The following CPPED1 variants were observed in gnomAD, a reference collection of about 807,000 sequenced individuals.
CPPED1 encodes the protein serine/threonine-protein phosphatase CPPED1.
A neutral mutation model predicts 28.0 loss-of-function variants in CPPED1; 28 were observed. That is an observed-to-expected ratio of 1.00 (90% CI 0.74 to 1.37). The LOEUF (loss-of-function observed/expected upper bound fraction) is 1.37. Among genes scored for constraint, CPPED1 ranks in the 40% most tolerant of loss-of-function variants. The pLI is 0.00. For synonymous variants in CPPED1, 198 were observed against 180.2 expected (o/e 1.10, Z -0.79); for missense variants, 504 against 416.5 (o/e 1.21, Z -1.83).
At chr16:12,713,175 TG>T (rs1196687038) in intron 2 of CPPED1, among the ~76,000 whole-genome samples, 2 of 152,118 alleles carry the variant, frequency 1.3e-5, no homozygotes, top group Admixed American at 6.6e-5. Context: ...GGACGAATTG[TG>T]TTCTTTCTGA....
intron 2 of CPPED1, 175 bp downstream of exon 2, chr16:12,781,010 T>G (rs925958241): frequency 1.6e-6 from 1 of 606,158 alleles, no homozygotes; most frequent in African/African-American, 1.9e-5. Flanking sequence ...AAACTCTAAA[T>G]ATAACATGAG....
chr16:12,785,792 C>T (rs1471009979), intron 1 of CPPED1, among the ~76,000 whole-genome samples: 1 of 152,082 alleles, frequency 6.6e-6, no homozygotes, highest in Non-Finnish European at 1.5e-5. Context: ...CCAGAGTTAC[C>T]CCCAGGGTAC....
Position 12,664,540 on chromosome 16 carries a change from T to A in CPPED1, c.*346A>T. 9.2e-7 allele frequency: 1 copy of A among 1,084,290 alleles called. No individual in the cohort carries two copies. Among genetic ancestry groups the A allele is most frequent in the Non-Finnish European group, 1.1e-6 (1 of 893,320 alleles). 67.2% of individuals were successfully genotyped at this position (1,084,290 alleles called of 1,614,324 possible). A position where few individuals can be genotyped will look rare whatever the true frequency, so the allele number is the denominator to read the frequency against. Reference sequence around the variant, plus strand: ...CTTGGCTGTCAGATTGGAATTGAGGTCGATAGGCAGACTTTGACCATATGC... The same window carrying A: ...CTTGGCTGTCAGATTGGAATTGAGGACGATAGGCAGACTTTGACCATATGC... On this transcript the variant is annotated 3_prime_UTR_variant, in exon 4 of 4. Coordinates refer to ENST00000381774, the MANE Select transcript of CPPED1 (RefSeq NM_018340.3). The surrounding 1 kb of genome is among the most constrained non-coding windows in gnomAD (Gnocchi z 4.2).
rs572532888 is a variant in CPPED1, at chr16:12,737,144, T to C, written c.290-32095A>G. ...GGTGGAGGTTGCAGTGAGCTGAGATTGTGCCATTGCACTCCAGTCTGGGCG... is the reference window on the plus strand; with the variant it reads ...GGTGGAGGTTGCAGTGAGCTGAGATCGTGCCATTGCACTCCAGTCTGGGCG... On this transcript the variant is annotated intron_variant, in intron 2 of 3. Transcript: ENST00000381774. Among the ~76,000 whole-genome samples, 3 of 152,166 alleles carry C rather than the reference T, an allele frequency of 2.0e-5. No homozygotes were observed. In the East Asian group the frequency reaches 5.8e-4, roughly 29 times the overall value.
chr16:12,665,819 G>C (rs776848674), intron 3 of CPPED1, among the ~76,000 whole-genome samples: 7 of 152,222 alleles, frequency 4.6e-5, no homozygotes, highest in Non-Finnish European at 8.8e-5. Context: ...CAGCTACCTG[G>C]GAGGCTGAGA....
intron 2 of CPPED1, among the ~76,000 whole-genome samples, chr16:12,755,108 T>C (rs973208495): frequency 6.6e-6 from 1 of 152,084 alleles, no homozygotes; most frequent in Non-Finnish European, 1.5e-5. Flanking sequence ...AAGACTAAGG[T>C]GAACAGTTTC....
Position 12,696,806 on chromosome 16 carries a change from G to A in CPPED1, c.715+7818C>T, listed in dbSNP as rs189582408. On this transcript the variant is annotated intron_variant, in intron 3 of 3. Transcript: ENST00000381774. ...GGGATACACCAACTTGACAAGGTTG[G>A]GGTGAGTACCCTCTTTTTACAAGTG... 6.6e-3 allele frequency among the ~76,000 whole-genome samples: 1,004 copies of A among 152,058 alleles called. 7 individuals carry two copies. Among genetic ancestry groups the A allele is most frequent in the Non-Finnish European group, 0.01 (691 of 67,988 alleles).
chr16:12,795,671 G>A (rs1187278547), intron 1 of CPPED1, among the ~76,000 whole-genome samples: 1 of 152,214 alleles, frequency 6.6e-6, no homozygotes, highest in Non-Finnish European at 1.5e-5. Context: ...CAACACCTTG[G>A]TCTCAGCTTT....
intron 1 of CPPED1, among the ~76,000 whole-genome samples, chr16:12,791,500 G>C (rs1322133937): frequency 6.6e-6 from 1 of 152,128 alleles, no homozygotes; most frequent in African/African-American, 2.4e-5. Flanking sequence ...CAGATCTTAA[G>C]ATCATGTGTC....
At chr16:12,665,710 AC>A (rs1311808582) in intron 3 of CPPED1, among the ~76,000 whole-genome samples, 1 of 152,174 alleles carries the variant, frequency 6.6e-6, no homozygotes, top group African/African-American at 2.4e-5. Flanking sequence ...TGGGTGGATC[AC>A]AAGGTCAGGA....
intron 1 of CPPED1, among the ~76,000 whole-genome samples, chr16:12,802,376 C>G (rs2080665411): frequency 1.3e-5 from 2 of 152,000 alleles, no homozygotes; most frequent in Admixed American, 6.6e-5. Flanking sequence ...CTGAGGACGG[C>G]GGATCACCTG....
At chr16:12,792,272 T>G (rs1159176361) in intron 1 of CPPED1, among the ~76,000 whole-genome samples, 1 of 152,172 alleles carries the variant, frequency 6.6e-6, no homozygotes, top group African/African-American at 2.4e-5. Context: ...TGTATCTCAC[T>G]GGTCCTGATG....
intron 1 of CPPED1, among the ~76,000 whole-genome samples, chr16:12,788,463 A>T (rs11860409): frequency 0.023 from 3,437 of 152,276 alleles, 88 homozygotes; most frequent in African/African-American, 0.064. Flanking sequence ...CTTAACTCAC[A>T]GAAGCCCGCC....
At position 12,682,075 on chromosome 16, in the gene CPPED1, C is replaced by T. The variant is rs866968309; in HGVS notation, c.716-16960G>A. ...TTGAGACAGTGTCTCTCTCGGTCGC[C>T]TATGTTGGAGTGCAGTGGCGCGATC... On this transcript the variant is annotated intron_variant, in intron 3 of 3. Transcript: ENST00000381774. The surrounding 1 kb of genome is among the most constrained non-coding windows in gnomAD (Gnocchi z 6.1). Among the ~76,000 whole-genome samples the T allele has an allele frequency of 5.3e-5, 8 of 152,210 alleles. No individual in the cohort carries two copies. Among genetic ancestry groups the T allele is most frequent in the Non-Finnish European group, 1.2e-4 (8 of 68,010 alleles).
intron 2 of CPPED1, among the ~76,000 whole-genome samples, chr16:12,711,881 G>A (rs550965031): frequency 1.3e-5 from 2 of 152,140 alleles, no homozygotes; most frequent in Non-Finnish European, 2.9e-5. Context: ...TATGTAGTAT[G>A]TGCATACCTT....
intron 2 of CPPED1, among the ~76,000 whole-genome samples, chr16:12,764,196 GATTTTA>G (rs1486076531): frequency 8.7e-6 from 1 of 115,400 alleles, no homozygotes; most frequent in African/African-American, 3.6e-5. Context: ...GGTACTGTTT[GATTTTA>G]ATTTTTTTTT....
chr16:12,790,480 T>TGG (rs1567307483), intron 1 of CPPED1, among the ~76,000 whole-genome samples: 1 of 152,228 alleles, frequency 6.6e-6, no homozygotes, highest in Non-Finnish European at 1.5e-5. Context: ...GGAAAAGGCC[T>TGG]GGGGGCCAGC....
intron 2 of CPPED1, among the ~76,000 whole-genome samples, chr16:12,713,545 T>C (rs969365199): frequency 6.6e-6 from 1 of 152,078 alleles, no homozygotes; most frequent in Admixed American, 6.6e-5. Context: ...TTTGTACTTT[T>C]AGTAGAGACG....
chr16:12,732,778 C>G (rs2080206140), intron 2 of CPPED1, among the ~76,000 whole-genome samples: 2 of 152,210 alleles, frequency 1.3e-5, no homozygotes, highest in African/African-American at 4.8e-5. Context: ...ACCTATCATT[C>G]TATACCCAGC....
Sources: gnomAD v4.1 joint callset for allele counts (sites outside exome capture counted in the v4.1 genomes callset) on GRCh38, gnomAD v4.1.1 for gene constraint, Gnocchi (gnomAD v3.1) non-coding constraint, MANE v1.5 for transcripts, NCBI Gene and HGNC (gene_info 2026-07-23, HGNC 2026-07-21) for gene names.